The following FAF1 variants were observed in gnomAD, a reference collection of about 807,000 sequenced individuals.
The protein encoded by FAF1 is FAS-associated factor 1.
A neutral mutation model predicts 92.5 loss-of-function variants in FAF1; 25 were observed. The observed-to-expected ratio is 0.27, with a 90% CI of 0.20 to 0.38. FAF1 has a LOEUF of 0.38. Among genes scored for constraint, FAF1 ranks in the 10% least tolerant of loss-of-function variants. FAF1 has a pLI of 1.00. For synonymous variants in FAF1, 234 were observed against 273.2 expected, an observed-to-expected ratio of 0.86 and a Z score of 1.42; for missense variants, 636 against 793.3, an observed-to-expected ratio of 0.80 and a Z score of 2.38.
intron 7 of FAF1, among the ~76,000 whole-genome samples, chr1:50,671,961 AT>A (rs1389787219): frequency 2.0e-5 from 3 of 149,908 alleles, no homozygotes; most frequent in Non-Finnish European, 4.4e-5. Context: ...ATGCCACCTA[AT>A]TTTTACATAT....
intron 2 of FAF1, among the ~76,000 whole-genome samples, chr1:50,805,526 G>A (rs778652384): frequency 6.6e-6 from 1 of 152,100 alleles, no homozygotes. Context: ...TAGACCTTTT[G>A]GGGGAAGGAA....
chr1:50,646,049 CTAA>C (rs1654567602), intron 8 of FAF1, among the ~76,000 whole-genome samples: 1 of 152,102 alleles, frequency 6.6e-6, no homozygotes, highest in African/African-American at 2.4e-5. Context: ...ATGGTCCCAC[CTAA>C]TAATATGTTA....
At chr1:50,851,297 G>A (rs1222084860) in intron 2 of FAF1, among the ~76,000 whole-genome samples, 4 of 152,108 alleles carry the variant, frequency 2.6e-5, no homozygotes, top group African/African-American at 7.2e-5. Flanking sequence ...GACCAGGCTG[G>A]TCTCAAACTA....
intron 2 of FAF1, among the ~76,000 whole-genome samples, chr1:50,843,941 T>C (rs975994373): frequency 1.3e-5 from 2 of 152,186 alleles, no homozygotes; most frequent in African/African-American, 4.8e-5. Flanking sequence ...TTTTAATTTT[T>C]TGAGGAACCT....
At chr1:50,758,432 C>T (rs1365345529) in intron 4 of FAF1, among the ~76,000 whole-genome samples, 2 of 152,176 alleles carry the variant, frequency 1.3e-5, no homozygotes, top group Non-Finnish European at 2.9e-5. Context: ...CTTCTAGTTC[C>T]CTTTCCTATT....
chr1:50,942,377 T>C (rs1318890240), intron 1 of FAF1, among the ~76,000 whole-genome samples: 1 of 151,910 alleles, frequency 6.6e-6, no homozygotes, highest in African/African-American at 2.4e-5. Context: ...TAGCCAGGTG[T>C]AGTAAGCCAT....
At chr1:50,483,691 A>G (rs1275057916) in intron 17 of FAF1, among the ~76,000 whole-genome samples, 5 of 152,190 alleles carry the variant, frequency 3.3e-5, no homozygotes, top group Admixed American at 1.3e-4. Context: ...AAAGTAATCC[A>G]GATAACAGAC....
intron 13 of FAF1, among the ~76,000 whole-genome samples, chr1:50,556,741 G>A (rs949255029): frequency 6.6e-6 from 1 of 152,028 alleles, no homozygotes; most frequent in Non-Finnish European, 1.5e-5. Context: ...GGAGGCTGAG[G>A]TGGGAGGACT....
intron 1 of FAF1, among the ~76,000 whole-genome samples, chr1:50,931,140 T>C (rs1570154412): frequency 6.6e-6 from 1 of 152,212 alleles, no homozygotes; most frequent in East Asian, 1.9e-4. Flanking sequence ...TTGATTACTA[T>C]TTACCCTATT....
At chr1:50,681,398 A>C (rs1656414216) in intron 7 of FAF1, among the ~76,000 whole-genome samples, 1 of 152,046 alleles carries the variant, frequency 6.6e-6, no homozygotes, top group African/African-American at 2.4e-5. Flanking sequence ...GGTTTTATTA[A>C]AATTTCATCA....
intron 2 of FAF1, among the ~76,000 whole-genome samples, chr1:50,816,902 G>A (rs1188041268): frequency 2.6e-5 from 4 of 152,044 alleles, no homozygotes; most frequent in African/African-American, 7.2e-5. Flanking sequence ...TCTGAATACG[G>A]CTAACCAGCT....
intron 8 of FAF1, among the ~76,000 whole-genome samples, chr1:50,652,064 A>C (rs755650841): frequency 2.0e-5 from 3 of 152,186 alleles, no homozygotes; most frequent in African/African-American, 4.8e-5. Context: ...CCAATGCCGC[A>C]ACATTTGCTC....
chr1:50,722,083 T>G (rs1173273347), intron 6 of FAF1, among the ~76,000 whole-genome samples: 1 of 152,172 alleles, frequency 6.6e-6, no homozygotes, highest in East Asian at 1.9e-4. Flanking sequence ...TTTTTCTACT[T>G]TGAAAACAAA....
intron 6 of FAF1, among the ~76,000 whole-genome samples, chr1:50,722,787 A>G (rs1035424761): frequency 6.6e-6 from 1 of 152,290 alleles, no homozygotes; most frequent in African/African-American, 2.4e-5. Flanking sequence ...ATTTTATCAC[A>G]TACTGACCTC....
intron 4 of FAF1, among the ~76,000 whole-genome samples, chr1:50,779,325 T>C (rs1661076487): frequency 6.6e-6 from 1 of 152,350 alleles, no homozygotes; most frequent in South Asian, 2.1e-4. Flanking sequence ...GTGTTCTTCA[T>C]GGTATCTTAG....
chr1:50,581,454 A>T (rs993821307), intron 12 of FAF1, among the ~76,000 whole-genome samples: 1 of 152,126 alleles, frequency 6.6e-6, no homozygotes, highest in African/African-American at 2.4e-5. Flanking sequence ...CCATGTACAC[A>T]CTATTCCTTC....
At chr1:50,799,214 C>A (rs1405313834) in intron 3 of FAF1, among the ~76,000 whole-genome samples, 1 of 152,194 alleles carries the variant, frequency 6.6e-6, no homozygotes, top group Non-Finnish European at 1.5e-5. Flanking sequence ...ATAAGACAAT[C>A]TAGACTTCAC....
At chr1:50,705,931 A>T in intron 6 of FAF1, 40 bp from the exon 7 acceptor site, 1 of 1,278,792 alleles carries the variant, frequency 7.8e-7, no homozygotes, top group Non-Finnish European at 1.1e-6. Flanking sequence ...TCAGAGATGA[A>T]CAAGTTCTAG....
chr1:50,652,095 C>G (rs1557456887), intron 8 of FAF1, among the ~76,000 whole-genome samples: 1 of 152,124 alleles, frequency 6.6e-6, no homozygotes, highest in Non-Finnish European at 1.5e-5. Context: ...TGGGCAGGCA[C>G]CACTTCACAG....
Sources: allele counts gnomAD v4.1 joint callset (sites outside exome capture counted in the v4.1 genomes callset), GRCh38; gene constraint gnomAD v4.1.1; transcripts MANE v1.5; gene names NCBI Gene and HGNC (gene_info 2026-07-23, HGNC 2026-07-21).